Variants in WDR37 observed in about 807,000 individuals in gnomAD.
WDR37 encodes the protein WD repeat domain 37.
WDR37 carries 19 observed loss-of-function variants against 62.9 expected under a neutral mutation model. The ratio of observed to expected loss-of-function variants is 0.30; its 90% CI spans 0.21 to 0.44. The LOEUF is 0.44. WDR37 is among the 20% of genes least tolerant of loss of function. The pLI is 1.00. For synonymous variants in WDR37, 250 were observed against 260.9 expected, an observed-to-expected ratio of 0.96 and a Z score of 0.40; for missense variants, 474 against 657.6, an observed-to-expected ratio of 0.72 and a Z score of 3.05.
chr10:1,124,363 A>G lies in WDR37; in HGVS notation c.1238+11A>G, dbSNP rs367594049. On this transcript the variant is annotated intron_variant, in intron 12 of 13. Transcript: ENST00000263150. The stretch of plus-strand genomic sequence containing the variant: ...CTCTGCCATTAACAGGTAAAGTCAA[A>G]CTGTTGGTTAAGTAAGTGGCTTAGT... 18 of 1,613,972 alleles carry G rather than the reference A, an allele frequency of 1.1e-5. No individual in the cohort carries two copies. Among genetic ancestry groups the G allele is most frequent in the Non-Finnish European group, 1.5e-5 (18 of 1,180,028 alleles).
Position 1,124,977 on chromosome 10 carries a change from GAT to G in WDR37, c.1309_1310del (p.Met437ValfsTer27). ...PHDNRQVRLF[D>X]MSGVRLARLP... ...TGACAACCGACAAGTGAGACTGTTTGATATGTCAGGAGTGCGCCTGGCGCGGC... is the reference window on the plus strand; with the variant it reads ...TGACAACCGACAAGTGAGACTGTTTGATGTCAGGAGTGCGCCTGGCGCGGC... On this transcript the variant is annotated frameshift_variant, in exon 13 of 14. Transcript: ENST00000263150. LOFTEE classifies it high-confidence loss of function. The G allele has an allele frequency of 6.2e-7, 1 of 1,614,218 alleles. No homozygotes were observed. The highest frequency in any genetic ancestry group is 8.5e-7 in the Non-Finnish European group (1 of 1,180,046).
In WDR37 at chr10:1,086,306, A is replaced by C; in HGVS notation, c.553A>C (p.Ser185Arg). The C allele has an allele frequency of 6.2e-7, 1 of 1,614,156 alleles. No individual in the cohort carries two copies. Among genetic ancestry groups the C allele is most frequent in the Non-Finnish European group, 8.5e-7 (1 of 1,180,002 alleles). ...TGCAGATCACACGGCTTTGCTGTGG[A>C]GCATAGAGACAGGGAAGTGCCTAGT... ...ASADHTALLWSIETGKCLVKY... is the reference protein window; with the variant it reads ...ASADHTALLWRIETGKCLVKY... The change falls in exon 7 of 14, where the codon AGC (serine) becomes CGC (arginine). Residue 185 changes from serine to arginine, a missense_variant. Ser to Arg is a moderately radical substitution (Grantham distance 110). Coordinates refer to ENST00000263150, the MANE Select transcript of WDR37 (RefSeq NM_014023.4).
chr10:1,087,070 C>T (rs549683497), intron 7 of WDR37, among the ~76,000 whole-genome samples: 8 of 152,392 alleles, frequency 5.2e-5, no homozygotes, highest in Non-Finnish European at 1.0e-4. Flanking sequence ...TGCCCGTCCA[C>T]AGGGCCCTGA....
At chr10:1,113,694 G>A (rs1835291071) in intron 11 of WDR37, among the ~76,000 whole-genome samples, 1 of 152,188 alleles carries the variant, frequency 6.6e-6, no homozygotes, top group African/African-American at 2.4e-5. Context: ...AGATAACTAG[G>A]ATTAGAAGTG....
At chr10:1,069,231 A>T (rs1455410335) in intron 1 of WDR37, among the ~76,000 whole-genome samples, 2 of 151,864 alleles carry the variant, frequency 1.3e-5, no homozygotes, top group Non-Finnish European at 2.9e-5. Context: ...TTTTAAAGCT[A>T]AATATACATT....
intron 7 of WDR37, among the ~76,000 whole-genome samples, chr10:1,091,561 C>T (rs184046172): frequency 1.8e-3 from 273 of 152,286 alleles, no homozygotes; most frequent in Non-Finnish European, 2.8e-3. Flanking sequence ...ATATGTTCTA[C>T]GTTAGGGACA....
At chr10:1,120,968 G>A (rs1405096876) in intron 11 of WDR37, among the ~76,000 whole-genome samples, 2 of 152,172 alleles carry the variant, frequency 1.3e-5, no homozygotes, top group Admixed American at 6.5e-5. Flanking sequence ...AGTGGTGTGC[G>A]GCGAGGAGGT....
intron 11 of WDR37, among the ~76,000 whole-genome samples, chr10:1,107,428 C>G (rs1238790908): frequency 1.3e-5 from 2 of 152,282 alleles, no homozygotes; most frequent in Non-Finnish European, 2.9e-5. Flanking sequence ...CAGTGCTTTC[C>G]TAAGCTTTTT....
intron 2 of WDR37, among the ~76,000 whole-genome samples, chr10:1,075,244 C>T (rs898485221): frequency 6.7e-6 from 1 of 148,926 alleles, no homozygotes; most frequent in Non-Finnish European, 1.5e-5. Context: ...TTAATGCTGA[C>T]TTCTCAGCTT....
chr10:1,086,080 C>T (rs2131632763), intron 6 of WDR37, among the ~76,000 whole-genome samples: 1 of 152,336 alleles, frequency 6.6e-6, no homozygotes, highest in South Asian at 2.1e-4. Flanking sequence ...TAGCTGACTT[C>T]ATGGCCTCAG....
rs1265240798 is a variant in WDR37 at position 1,080,419 on chromosome 10, C to T, written c.339C>T (p.His113=). Residue 113 remains histidine (H), a synonymous_variant, in exon 5 of 14, where the codon CAC becomes CAT. Coordinates refer to ENST00000263150, the MANE Select transcript of WDR37 (RefSeq NM_014023.4). ...SKGQLKTKAS[H]STSQLSQKLK... is the part of the protein sequence containing the mutation. ...CACTCTCTGTCCCTGCAGCCAGTCA[C>T]AGCACCAGCCAGCTCTCCCAGAAAC... The T allele has an allele frequency of 3.1e-6, 5 of 1,614,044 alleles. No homozygotes were observed. Among genetic ancestry groups the T allele is most frequent in the Non-Finnish European group, 4.2e-6 (5 of 1,180,042 alleles).
At chr10:1,126,419 AG>A (rs1835780505) in intron 13 of WDR37, among the ~76,000 whole-genome samples, 1 of 151,474 alleles carries the variant, frequency 6.6e-6, no homozygotes. Context: ...AAAAAAAAAA[AG>A]AAACTCCCCG....
chr10:1,111,587 A>G (rs1835219023), intron 11 of WDR37, among the ~76,000 whole-genome samples: 1 of 152,112 alleles, frequency 6.6e-6, no homozygotes, highest in Non-Finnish European at 1.5e-5. Flanking sequence ...CTTTGATCCT[A>G]CGTGTTTAGA....
chr10:1,076,599 A>C (rs767439542), intron 2 of WDR37, among the ~76,000 whole-genome samples: 3 of 151,818 alleles, frequency 2.0e-5, no homozygotes, highest in Non-Finnish European at 2.9e-5. Context: ...GAATGGCACG[A>C]ACCTGGGAGG....
At chr10:1,112,514 G>A (rs1835249124) in intron 11 of WDR37, among the ~76,000 whole-genome samples, 1 of 152,220 alleles carries the variant, frequency 6.6e-6, no homozygotes, top group Non-Finnish European at 1.5e-5. Context: ...TCACTTGAAA[G>A]CTGGAAATGA....
chr10:1,128,744 C>T (rs1835876720), intron 13 of WDR37, among the ~76,000 whole-genome samples: 1 of 152,252 alleles, frequency 6.6e-6, no homozygotes, highest in South Asian at 2.1e-4. Flanking sequence ...AACCCTCGTG[C>T]TCACTGGTGT....
chr10:1,081,247 C>A (rs1834019614), intron 5 of WDR37, among the ~76,000 whole-genome samples: 1 of 152,118 alleles, frequency 6.6e-6, no homozygotes, highest in Non-Finnish European at 1.5e-5. Flanking sequence ...TGCTGACCTT[C>A]TTAAAGTGGA....
chr10:1,080,131 T>A (rs1564500293), intron 4 of WDR37, 25 bp downstream of exon 4: 4 of 1,611,814 alleles, frequency 2.5e-6, no homozygotes, highest in Non-Finnish European at 3.4e-6. Context: ...ATGAAAGTCT[T>A]GTCCTGCAGA....
intron 8 of WDR37, among the ~76,000 whole-genome samples, chr10:1,095,388 G>C (rs1225468730): frequency 6.7e-6 from 1 of 149,794 alleles, no homozygotes; most frequent in Non-Finnish European, 1.5e-5. Flanking sequence ...GGAGAGAGGA[G>C]AGTTAGAGGG....
Sources: gnomAD v4.1 joint callset for allele counts (sites outside exome capture counted in the v4.1 genomes callset) on GRCh38, gnomAD v4.1.1 for gene constraint, MANE v1.5 for transcripts, NCBI Gene and HGNC (gene_info 2026-07-23, HGNC 2026-07-21) for gene names.